Variants in PIAS1 observed in about 807,000 individuals in gnomAD.
The protein encoded by PIAS1 is protein inhibitor of activated STAT 1.
Under a neutral mutation model 71.3 loss-of-function variants are expected in PIAS1, and 6 were observed. The observed-to-expected ratio is 0.08, with a 90% CI of 0.05 to 0.17. The LOEUF (loss-of-function observed/expected upper bound fraction) is 0.17. Among genes scored for constraint, PIAS1 ranks in the 10% least tolerant of loss-of-function variants. The pLI is 1.00. For synonymous variants in PIAS1, 303 were observed against 292.9 expected (o/e 1.03, Z -0.35); for missense variants, 555 against 793.6 (o/e 0.70, Z 3.61).
At chr15:68,061,280 A>G (rs1420864885) in intron 1 of PIAS1, 1 of 152,256 alleles carries the variant, frequency 6.6e-6, no homozygotes, top group Non-Finnish European at 1.5e-5. Flanking sequence ...CATCAATTTC[A>G]GAAGTAGTAT....
At position 68,175,653 on chromosome 15, in the gene PIAS1, C is replaced by T. The variant is rs1380229513; in HGVS notation, c.1186C>T (p.Leu396=). Residue 396 remains leucine, a synonymous_variant, in exon 10 of 14, where the codon CTA becomes TTA. Transcript: ENST00000249636. ...TTCTTATAGCTTGTTTATGGAAATCCTAAAGTACTGTACAGACTGTGATGA... is the reference window on the plus strand; with the variant it reads ...TTCTTATAGCTTGTTTATGGAAATCTTAAAGTACTGTACAGACTGTGATGA... The part of the protein sequence containing the change: ...LIIDGLFMEI[L]KYCTDCDEIQ... 2.0e-6 allele frequency: 3 copies of T among 1,517,736 alleles called. No individual in the cohort carries two copies. The highest frequency in any genetic ancestry group is 2.8e-5 in the African/African-American group (2 of 72,072). The allele number at this position is 1,517,736 out of a possible 1,614,324, so 94.0% of individuals were successfully genotyped here. A position where few individuals can be genotyped will look rare whatever the true frequency, so the allele number is the denominator to read the frequency against.
chr15:68,082,243 G>A (rs1286412436), intron 1 of PIAS1, among the ~76,000 whole-genome samples: 1 of 152,066 alleles, frequency 6.6e-6, no homozygotes, highest in African/African-American at 2.4e-5. Context: ...CCACTAAAAA[G>A]AGAAAACCAA....
At chr15:68,065,736 C>CTT (rs35947814) in intron 1 of PIAS1, among the ~76,000 whole-genome samples, 25,313 of 99,446 alleles carry the variant, frequency 0.25, 4,408 homozygotes, top group Non-Finnish European at 0.29. Context: ...GCTTGAAGTA[C>CTT]TTTTTTTTTT....
chr15:68,136,101 A>G (rs1252717603), intron 2 of PIAS1, among the ~76,000 whole-genome samples: 7 of 50,816 alleles, frequency 1.4e-4, no homozygotes, highest in Admixed American at 3.4e-4. Context: ...GGGAAGAGGC[A>G]CTCCTCACTT....
At chr15:68,057,999 G>C (rs978445797) in intron 1 of PIAS1, among the ~76,000 whole-genome samples, 1 of 152,190 alleles carries the variant, frequency 6.6e-6, no homozygotes. Context: ...TTAACCTTGG[G>C]TGTCTCCTGG....
At chr15:68,171,000 A>G (rs967106196) in intron 8 of PIAS1, among the ~76,000 whole-genome samples, 14 of 152,100 alleles carry the variant, frequency 9.2e-5, no homozygotes, top group Non-Finnish European at 1.8e-4. Flanking sequence ...TCTTGTAATA[A>G]CAACACTTAG....
At chr15:68,170,738 T>C (rs2092985976) in intron 8 of PIAS1, among the ~76,000 whole-genome samples, 1 of 152,092 alleles carries the variant, frequency 6.6e-6, no homozygotes, top group South Asian at 2.1e-4. Context: ...CCTCCCAGGC[T>C]CAAGCGATTC....
chr15:68,138,360 G>A (rs1044451914), intron 2 of PIAS1, among the ~76,000 whole-genome samples: 3 of 152,028 alleles, frequency 2.0e-5, no homozygotes, highest in African/African-American at 7.2e-5. Flanking sequence ...TAATGTCCAT[G>A]GCCCTGAACA....
chr15:68,100,895 GTTTTGT>G (rs1011158170), intron 2 of PIAS1, among the ~76,000 whole-genome samples: 14 of 58,232 alleles, frequency 2.4e-4, no homozygotes, highest in African/African-American at 9.7e-4. Context: ...TGTTGTTTTT[GTTTTGT>G]TTTTTTTTTT....
intron 2 of PIAS1, among the ~76,000 whole-genome samples, chr15:68,097,148 C>G (rs2092382632): frequency 6.6e-6 from 1 of 152,074 alleles, no homozygotes; most frequent in African/African-American, 2.4e-5. Context: ...TTTCTACATC[C>G]ATTCAGATGA....
chr15:68,182,490 C>CGTGTGTGTGT (rs67774530), intron 12 of PIAS1, among the ~76,000 whole-genome samples: 44,394 of 123,232 alleles, frequency 0.36, 11,411 homozygotes, highest in East Asian at 0.63. Flanking sequence ...GCTCAGGCTG[C>CGTGTGTGTGT]GTGTGTGTGT....
Position 68,167,514 on chromosome 15 carries a change from A to T in PIAS1, c.1008+2710A>T, listed in dbSNP as rs1249180181. Among the ~76,000 whole-genome samples the T allele has an allele frequency of 5.3e-5, 8 of 152,292 alleles. No individual in the cohort carries two copies. The highest frequency in any genetic ancestry group is 2.1e-4 in the South Asian group (1 of 4,826). On this transcript the variant is annotated intron_variant, in intron 8 of 13. Transcript: ENST00000249636. This position sits in a 1 kb window ranked among gnomAD's most constrained non-coding sequence, Gnocchi z 4.4. Reference sequence around the variant, plus strand: ...TTAGCTAAAGGCAACAAAAATAATTAAAAATGTTTTTACTCTTTGGGAATT... The same window carrying T: ...TTAGCTAAAGGCAACAAAAATAATTTAAAATGTTTTTACTCTTTGGGAATT...
intron 2 of PIAS1, among the ~76,000 whole-genome samples, chr15:68,128,549 A>G (rs956189397): frequency 5.3e-5 from 8 of 152,214 alleles, no homozygotes; most frequent in African/African-American, 1.9e-4. Context: ...ATTCTGTTGT[A>G]TAGCTGGATT....
chr15:68,177,824 A>G (rs1201901286), intron 11 of PIAS1, among the ~76,000 whole-genome samples: 4 of 152,334 alleles, frequency 2.6e-5, no homozygotes, highest in South Asian at 2.1e-4. Context: ...ACTAATTGTA[A>G]ATCTAGAAAT....
chr15:68,055,688 C>T (rs2140947327), intron 1 of PIAS1: 2 of 421,230 alleles, frequency 4.7e-6, no homozygotes, highest in Non-Finnish European at 8.3e-6. Context: ...ACATCTCTGT[C>T]AGAGAGGAGA....
At chr15:68,081,968 A>G (rs962915155) in intron 1 of PIAS1, among the ~76,000 whole-genome samples, 1 of 151,900 alleles carries the variant, frequency 6.6e-6, no homozygotes, top group Non-Finnish European at 1.5e-5. Context: ...GATTAAGAGA[A>G]GCTGCTATGA....
intron 1 of PIAS1, among the ~76,000 whole-genome samples, chr15:68,064,812 G>A (rs1176213474): frequency 6.6e-6 from 1 of 152,122 alleles, no homozygotes; most frequent in Non-Finnish European, 1.5e-5. Flanking sequence ...TAAGCTAGAT[G>A]TTAAAGAGAT....
chr15:68,072,429 G>C (rs568249801), intron 1 of PIAS1, among the ~76,000 whole-genome samples: 3 of 109,632 alleles, frequency 2.7e-5, no homozygotes, highest in South Asian at 3.0e-4. Flanking sequence ...AAAAAAAAAA[G>C]AGTTATGGGA....
At chr15:68,123,909 G>A (rs537331567) in intron 2 of PIAS1, among the ~76,000 whole-genome samples, 2 of 151,880 alleles carry the variant, frequency 1.3e-5, no homozygotes, top group Admixed American at 6.6e-5. Context: ...AATTATAGGC[G>A]GAAAACACAG....
Sources: gnomAD v4.1 joint callset for allele counts (sites outside exome capture counted in the v4.1 genomes callset) on GRCh38, gnomAD v4.1.1 for gene constraint, Gnocchi (gnomAD v3.1) non-coding constraint, MANE v1.5 for transcripts, NCBI Gene and HGNC (gene_info 2026-07-23, HGNC 2026-07-21) for gene names.